Variants in GOT1 observed in about 807,000 individuals in gnomAD.
The protein encoded by GOT1 is glutamic-oxaloacetic transaminase 1.
Under a neutral mutation model 48.2 loss-of-function variants are expected in GOT1, and 25 were observed. The observed-to-expected ratio is 0.52, with a 90% CI of 0.38 to 0.72. The LOEUF (loss-of-function observed/expected upper bound fraction) is 0.72. Among genes scored for constraint, GOT1 ranks in the 30% least tolerant of loss-of-function variants. GOT1 has a pLI of 0.00. For missense variants in GOT1, 380 were observed against 520.1 expected (o/e 0.73, Z 2.62); for synonymous variants, 188 against 193.8 (o/e 0.97, Z 0.25).
At chr10:99,414,070 G>T (rs1356640404) in intron 2 of GOT1, among the ~76,000 whole-genome samples, 1 of 152,134 alleles carries the variant, frequency 6.6e-6, no homozygotes, top group Non-Finnish European at 1.5e-5. Flanking sequence ...ATAATAACAG[G>T]ATCAAATTCA....
At chr10:99,411,577 A>T (rs1461528556) in intron 2 of GOT1, among the ~76,000 whole-genome samples, 1 of 152,234 alleles carries the variant, frequency 6.6e-6, no homozygotes, top group Non-Finnish European at 1.5e-5. Context: ...AATTCCTAAC[A>T]TGCCACCTCC....
At chr10:99,402,554 G>C in intron 8 of GOT1, 26 bp downstream of exon 8, 1 of 1,613,248 alleles carries the variant, frequency 6.2e-7, no homozygotes, top group Non-Finnish European at 8.5e-7. Flanking sequence ...TGCACGCATG[G>C]GCTGGAGGTG....
chr10:99,401,644 G>A (rs958109553), intron 8 of GOT1, among the ~76,000 whole-genome samples: 2 of 150,376 alleles, frequency 1.3e-5, no homozygotes, highest in Non-Finnish European at 3.0e-5. Flanking sequence ...TCCAGCCTGG[G>A]CAACAGAGCA....
intron 1 of GOT1, among the ~76,000 whole-genome samples, chr10:99,429,422 T>C (rs976899579): frequency 2.6e-5 from 4 of 151,710 alleles, no homozygotes; most frequent in African/African-American, 9.7e-5. Flanking sequence ...ATTCTGAGCG[T>C]CCTTCATGTC....
In GOT1 at chr10:99,397,643, C is replaced by T; in HGVS notation, c.1146G>A (p.Leu382=). 1.2e-6 allele frequency: 2 copies of T among 1,613,930 alleles called. No homozygotes were observed. Among genetic ancestry groups the T allele is most frequent in the Non-Finnish European group, 1.7e-6 (2 of 1,179,862 alleles). ...EYLVNEKHIY[L]LPSGRINVSG... is the part of the protein sequence containing the mutation. Reference sequence around the variant, plus strand: ...TCACGTTGATTCGACCACTTGGCAGCAGGTAGATGTGCTTTTCATTGACCA... The same window carrying T: ...TCACGTTGATTCGACCACTTGGCAGTAGGTAGATGTGCTTTTCATTGACCA... The change falls in exon 9 of 9, where the codon CTG becomes CTA. Residue 382 remains leucine, a synonymous_variant. Transcript: ENST00000370508. This position sits in a 1 kb window ranked among gnomAD's most constrained non-coding sequence, Gnocchi z 5.4.
intron 2 of GOT1, among the ~76,000 whole-genome samples, chr10:99,417,912 GA>G (rs1402571692): frequency 6.6e-6 from 1 of 152,124 alleles, no homozygotes; most frequent in East Asian, 1.9e-4. Context: ...GGGGTGCGGA[GA>G]GGGGGGAAGG....
At chr10:99,430,370 C>T in intron 1 of GOT1, 78 bp downstream of exon 1, 1 of 1,607,246 alleles carries the variant, frequency 6.2e-7, no homozygotes, top group South Asian at 1.1e-5. Context: ...GCCTCGGCTT[C>T]TCCCACAGTC....
intron 2 of GOT1, among the ~76,000 whole-genome samples, chr10:99,416,471 T>C (rs1299769865): frequency 6.6e-6 from 1 of 152,244 alleles, no homozygotes; most frequent in Non-Finnish European, 1.5e-5. Context: ...GAACATTCCA[T>C]GCTCACGGAT....
intron 2 of GOT1, among the ~76,000 whole-genome samples, chr10:99,412,499 G>A (rs1001645672): frequency 3.3e-5 from 5 of 151,692 alleles, no homozygotes; most frequent in Admixed American, 1.3e-4. Context: ...TGGGAATGGT[G>A]AGGCCTTCCA....
intron 2 of GOT1, among the ~76,000 whole-genome samples, chr10:99,418,975 C>T (rs2032933935): frequency 6.6e-6 from 1 of 152,220 alleles, no homozygotes; most frequent in Non-Finnish European, 1.5e-5. Context: ...CATACAAAAC[C>T]TTAATGAAGT....
chr10:99,406,930 T>G lies in GOT1; in HGVS notation c.301-81A>C, dbSNP rs930698125. 14 of 1,312,020 alleles carry G rather than the reference T, an allele frequency of 1.1e-5. No homozygotes were observed. In the South Asian group the frequency reaches 1.3e-4, roughly 13 times the overall value. 81.3% of individuals were successfully genotyped at this position (1,312,020 alleles called of 1,614,324 possible). On this transcript the variant is annotated intron_variant, in intron 2 of 8. Coordinates refer to ENST00000370508, the MANE Select transcript of GOT1 (RefSeq NM_002079.3). ...ACAAAAATAAGGTAATAATGAGCAC[T>G]TACTCTATGCCTGCTCTGTGCTAAG...
intron 2 of GOT1, among the ~76,000 whole-genome samples, chr10:99,411,780 T>C (rs2032830892): frequency 6.6e-6 from 1 of 152,146 alleles, no homozygotes; most frequent in Admixed American, 6.5e-5. Context: ...GGGCATCTGA[T>C]GACTAAAGGA....
chr10:99,402,566 TG>T lies in GOT1; in HGVS notation c.1102+13del. On this transcript the variant is annotated intron_variant, in intron 8 of 8. Transcript: ENST00000370508. ...ACATGCACGCATGGGCTGGAGGTGG[TG>T]GGGGCCACTTACGGTTCAACCCAGT... The T allele has an allele frequency of 6.2e-7, 1 of 1,613,942 alleles. No homozygotes were observed. The highest frequency in any genetic ancestry group is 1.1e-5 in the South Asian group (1 of 91,064).
intron 8 of GOT1, among the ~76,000 whole-genome samples, chr10:99,399,324 T>C (rs1398723685): frequency 3.3e-5 from 5 of 152,198 alleles, no homozygotes; most frequent in Non-Finnish European, 7.3e-5. Flanking sequence ...AGACCACCTT[T>C]GCTAACCAGG....
At chr10:99,411,528 T>C (rs2032827992) in intron 2 of GOT1, among the ~76,000 whole-genome samples, 2 of 152,260 alleles carry the variant, frequency 1.3e-5, no homozygotes, top group Non-Finnish European at 2.9e-5. Flanking sequence ...TTTCTATTTC[T>C]ATCATAACCA....
intron 2 of GOT1, among the ~76,000 whole-genome samples, chr10:99,409,117 GGTTTTTTTTGT>G (rs2032797574): frequency 6.7e-6 from 1 of 150,022 alleles, no homozygotes; most frequent in South Asian, 2.1e-4. Context: ...ATAATAAAAA[GGTTTTTTTTGT>G]GTTTTTTTTT....
At chr10:99,420,150 A>G (rs1239360355) in intron 2 of GOT1, 1 of 154,372 alleles carries the variant, frequency 6.5e-6, no homozygotes, top group Non-Finnish European at 1.4e-5. Flanking sequence ...ATAAGTACAC[A>G]CAAAATTCTG....
chr10:99,410,536 AC>A (rs2032816105), intron 2 of GOT1, among the ~76,000 whole-genome samples: 1 of 152,206 alleles, frequency 6.6e-6, no homozygotes, highest in Non-Finnish European at 1.5e-5. Context: ...AGATAAACCC[AC>A]TCCACATTAA....
At chr10:99,424,706 TG>T (rs2033015368) in intron 1 of GOT1, among the ~76,000 whole-genome samples, 1 of 152,214 alleles carries the variant, frequency 6.6e-6, no homozygotes, top group Non-Finnish European at 1.5e-5. Context: ...GGGTTGGGGA[TG>T]GTTGGAGAGG....
Sources: allele counts gnomAD v4.1 joint callset (sites outside exome capture counted in the v4.1 genomes callset), GRCh38; gene constraint gnomAD v4.1.1; non-coding constraint Gnocchi (gnomAD v3.1); transcripts MANE v1.5; gene names NCBI Gene and HGNC (gene_info 2026-07-23, HGNC 2026-07-21).